The following TACR3 variants were observed in gnomAD, a reference collection of about 807,000 sequenced individuals.
TACR3 encodes the protein neuromedin-K receptor.
Under a neutral mutation model 35.0 loss-of-function variants are expected in TACR3, and 34 were observed. That is an observed-to-expected ratio of 0.97 (90% confidence interval 0.74 to 1.30). The LOEUF (loss-of-function observed/expected upper bound fraction) is 1.30, where lower values mean the gene tolerates loss of function less well. Ranked by LOEUF, TACR3 falls within the 50% of genes most tolerant of loss-of-function variation. TACR3 has a pLI of 0.00. For missense variants in TACR3, 558 were observed against 591.7 expected, an observed-to-expected ratio of 0.94 and a Z score of 0.59; for synonymous variants, 233 against 221.1, an observed-to-expected ratio of 1.05 and a Z score of -0.48.
chr4:103,679,926 T>A (rs1371222596), intron 1 of TACR3, among the ~76,000 whole-genome samples: 2 of 151,912 alleles, frequency 1.3e-5, no homozygotes, highest in Admixed American at 6.6e-5. Flanking sequence ...TATATATTTT[T>A]AAATATGGAG....
chr4:103,673,772 GAGA>G (rs1375692266), intron 1 of TACR3, among the ~76,000 whole-genome samples: 2 of 152,114 alleles, frequency 1.3e-5, no homozygotes, highest in Non-Finnish European at 2.9e-5. Flanking sequence ...AAAGCATAGT[GAGA>G]TAAAATGATG....
chr4:103,600,308 T>G (rs1238496796), intron 3 of TACR3, among the ~76,000 whole-genome samples: 1 of 152,214 alleles, frequency 6.6e-6, no homozygotes, highest in African/African-American at 2.4e-5. Flanking sequence ...GATATCCCCT[T>G]TATCATTTTT....
chr4:103,701,467 A>T (rs1261336922), intron 1 of TACR3, among the ~76,000 whole-genome samples: 4 of 152,104 alleles, frequency 2.6e-5, no homozygotes, highest in Non-Finnish European at 2.9e-5. Context: ...GAAAATGGCC[A>T]TACTGCCCAA....
At chr4:103,701,895 T>C (rs373058839) in intron 1 of TACR3, among the ~76,000 whole-genome samples, 5 of 151,966 alleles carry the variant, frequency 3.3e-5, no homozygotes, top group Non-Finnish European at 7.4e-5. Flanking sequence ...ATACAAAAAT[T>C]AATTCAAGAT....
chr4:103,714,145 T>C (rs1723034977), intron 1 of TACR3, among the ~76,000 whole-genome samples: 1 of 152,176 alleles, frequency 6.6e-6, no homozygotes, highest in Non-Finnish European at 1.5e-5. Flanking sequence ...ACTGGGGATA[T>C]ACTTTTTCTT....
intron 1 of TACR3, among the ~76,000 whole-genome samples, chr4:103,678,278 G>A (rs1726215770): frequency 6.6e-6 from 1 of 152,032 alleles, no homozygotes; most frequent in Non-Finnish European, 1.5e-5. Context: ...TTAAATAGTA[G>A]CTTGTGGCAG....
intron 1 of TACR3, among the ~76,000 whole-genome samples, chr4:103,708,984 C>G (rs748376426): frequency 3.9e-5 from 6 of 152,130 alleles, no homozygotes; most frequent in Non-Finnish European, 7.4e-5. Flanking sequence ...TGAACAAAGC[C>G]TCCAAGAAAT....
chr4:103,597,362 C>A (rs1011459493), intron 3 of TACR3, among the ~76,000 whole-genome samples: 3 of 152,006 alleles, frequency 2.0e-5, no homozygotes, highest in Non-Finnish European at 4.4e-5. Flanking sequence ...AAGATTGATT[C>A]TTTCTAAATG....
At chr4:103,628,319 G>A (rs982327531) in intron 3 of TACR3, among the ~76,000 whole-genome samples, 1 of 152,198 alleles carries the variant, frequency 6.6e-6, no homozygotes, top group East Asian at 1.9e-4. Flanking sequence ...AGGAGATAGA[G>A]ACACAAAAAA....
chr4:103,677,337 G>A (rs1726190881), intron 1 of TACR3, among the ~76,000 whole-genome samples: 1 of 151,992 alleles, frequency 6.6e-6, no homozygotes, highest in African/African-American at 2.4e-5. Context: ...AATACTATTC[G>A]ACCCAGCAAT....
At chr4:103,602,730 G>A (rs901751432) in intron 3 of TACR3, among the ~76,000 whole-genome samples, 47 of 152,218 alleles carry the variant, frequency 3.1e-4, no homozygotes, top group African/African-American at 8.9e-4. Context: ...AGATGCTGCT[G>A]TCTGATCGTT....
rs1416909213 is a variant in TACR3 at position 103,589,640 on chromosome 4, C to T, written c.*42G>A. ...AGGAGAATGGGGTCCTAGACTGGCACCATGATGGTCTCACACTAATCTTTT... is the reference window on the plus strand; with the variant it reads ...AGGAGAATGGGGTCCTAGACTGGCATCATGATGGTCTCACACTAATCTTTT... On this transcript the variant is annotated 3_prime_UTR_variant, in exon 5 of 5. Coordinates refer to ENST00000304883, the MANE Select transcript of TACR3 (RefSeq NM_001059.3). The T allele has an allele frequency of 1.2e-6, 2 of 1,610,514 alleles. No homozygotes were observed. Among genetic ancestry groups the T allele is most frequent in the Admixed American group, 3.3e-5 (2 of 59,972 alleles).
intron 1 of TACR3, among the ~76,000 whole-genome samples, chr4:103,703,932 C>T (rs1327532993): frequency 6.6e-6 from 1 of 151,628 alleles, no homozygotes; most frequent in Admixed American, 6.6e-5. Context: ...AACCCCATCT[C>T]TACTACAAAA....
rs771047445 is a variant in TACR3, at chr4:103,719,103, TC to T, written c.548+24del. ...TTCTTTTCTTTCCCTTCTCCCTCTT[TC>T]CTCTCTGTCTGTCCTCTCCTCACCT... On this transcript the variant is annotated intron_variant, in intron 1 of 4. Transcript: ENST00000304883. 1.2e-5 allele frequency: 19 copies of T among 1,614,038 alleles called. No homozygotes were observed. The South Asian group carries it at 2.0e-4, about 17-fold the overall frequency.
At chr4:103,623,804 T>C (rs934148228) in intron 3 of TACR3, among the ~76,000 whole-genome samples, 4 of 152,150 alleles carry the variant, frequency 2.6e-5, no homozygotes, top group African/African-American at 9.7e-5. Flanking sequence ...TCTTGCTTGG[T>C]AATGAAATTT....
At position 103,652,269 on chromosome 4, in the gene TACR3, C is replaced by T. The variant is rs774014176; in HGVS notation, c.888+3925G>A. ...GCGTGGGAGAACTCAACTTCTGACCCGTGGGATGGGTGACTCCCATCTGGC... is the reference window on the plus strand; with the variant it reads ...GCGTGGGAGAACTCAACTTCTGACCTGTGGGATGGGTGACTCCCATCTGGC... On this transcript the variant is annotated intron_variant, in intron 3 of 4. Coordinates refer to ENST00000304883, the MANE Select transcript of TACR3 (RefSeq NM_001059.3). Among the ~76,000 whole-genome samples the T allele has an allele frequency of 3.3e-5, 5 of 152,094 alleles. No homozygotes were observed. The South Asian group carries it at 8.3e-4, about 25-fold the overall frequency.
intron 1 of TACR3, among the ~76,000 whole-genome samples, chr4:103,689,986 G>C (rs890596825): frequency 6.6e-6 from 1 of 152,054 alleles, no homozygotes; most frequent in Non-Finnish European, 1.5e-5. Context: ...TTGCACACAA[G>C]AGAGCCATAA....
In TACR3 at chr4:103,606,124, C is replaced by T. The variant is rs564108728; in HGVS notation, c.889-14441G>A. On this transcript the variant is annotated intron_variant, in intron 3 of 4. Coordinates refer to ENST00000304883, the MANE Select transcript of TACR3 (RefSeq NM_001059.3). ...TGTTTTTGTCAGGTTTGTCAAAGATCAGATAGTTGTAGATATGTGGCATTA... is the reference window on the plus strand; with the variant it reads ...TGTTTTTGTCAGGTTTGTCAAAGATTAGATAGTTGTAGATATGTGGCATTA... 1.4e-4 allele frequency among the ~76,000 whole-genome samples: 22 copies of T among 151,870 alleles called. No individual in the cohort carries two copies. The South Asian group carries it at 4.0e-3, about 27-fold the overall frequency.
At chr4:103,614,791 A>G (rs1287413775) in intron 3 of TACR3, among the ~76,000 whole-genome samples, 3 of 151,888 alleles carry the variant, frequency 2.0e-5, no homozygotes, top group African/African-American at 7.3e-5. Context: ...AATATTCAGT[A>G]AGATATTCAT....
Sources: allele counts gnomAD v4.1 joint callset (sites outside exome capture counted in the v4.1 genomes callset), GRCh38; gene constraint gnomAD v4.1.1; transcripts MANE v1.5; gene names NCBI Gene and HGNC (gene_info 2026-07-23, HGNC 2026-07-21).